PRKCH: variants seen among roughly 807,000 people sequenced by gnomAD.
PRKCH encodes the protein protein kinase C eta, also known as protein kinase C eta type.
In PRKCH, 28 loss-of-function variants were observed where a neutral mutation model predicts 82.5. The ratio of observed to expected loss-of-function variants is 0.34; its 90% CI spans 0.25 to 0.47. PRKCH has a LOEUF of 0.47. Among genes scored for constraint, PRKCH ranks in the 20% least tolerant of loss-of-function variants. PRKCH has a pLI of 1.00. For missense variants in PRKCH, 705 were observed against 881.8 expected (o/e 0.80, Z 2.54); for synonymous variants, 322 against 327.4 (o/e 0.98, Z 0.18).
chr14:61,449,632 G>A (rs962204250), intron 5 of PRKCH, among the ~76,000 whole-genome samples: 3 of 152,160 alleles, frequency 2.0e-5, no homozygotes, highest in African/African-American at 7.2e-5. Context: ...GGATTTGAAT[G>A]CTGAATCCAG....
At chr14:61,507,817 G>C (rs1038751993) in intron 10 of PRKCH, among the ~76,000 whole-genome samples, 6 of 152,100 alleles carry the variant, frequency 3.9e-5, no homozygotes, top group Non-Finnish European at 8.8e-5. Context: ...CAAAATTTCA[G>C]TTATGCAGGA....
chr14:61,363,740 G>A (rs1234950880), intron 1 of PRKCH, among the ~76,000 whole-genome samples: 1 of 150,480 alleles, frequency 6.6e-6, no homozygotes, highest in African/African-American at 2.5e-5. Flanking sequence ...AGAGAACTCT[G>A]AGGATGAAGA....
At chr14:61,210,112 AT>A (rs1566781639) in intron 1 of PRKCH, among the ~76,000 whole-genome samples, 1 of 6,232 alleles carries the variant, frequency 1.6e-4, no homozygotes, top group African/African-American at 4.6e-4. Flanking sequence ...AAACAAACAA[AT>A]ATATATATAT....
chr14:61,460,143 G>A (rs1884962841), intron 9 of PRKCH, among the ~76,000 whole-genome samples: 1 of 152,028 alleles, frequency 6.6e-6, no homozygotes, highest in African/African-American at 2.4e-5. Context: ...CACTGTACCT[G>A]GCCACTTTAT....
At chr14:61,406,924 G>C (rs1431865626) in intron 2 of PRKCH, among the ~76,000 whole-genome samples, 1 of 151,992 alleles carries the variant, frequency 6.6e-6, no homozygotes, top group African/African-American at 2.4e-5. Context: ...GATTTACTCT[G>C]TCAGGGGTTT....
At chr14:61,392,492 C>G (rs60788215) in intron 2 of PRKCH, among the ~76,000 whole-genome samples, 8,935 of 152,116 alleles carry the variant, frequency 0.059, 449 homozygotes, top group East Asian at 0.22. Context: ...TTTGCATTTC[C>G]CTGATGGTGA....
At chr14:61,529,349 T>A in intron 11 of PRKCH, 136 bp downstream of exon 11, 1 of 991,990 alleles carries the variant, frequency 1.0e-6, no homozygotes, top group Non-Finnish European at 1.4e-6. Context: ...ACCTCTAGAC[T>A]CATTTATGGC....
intron 1 of PRKCH, among the ~76,000 whole-genome samples, chr14:61,290,735 C>G (rs1329163552): frequency 1.3e-5 from 2 of 152,202 alleles, no homozygotes; most frequent in Non-Finnish European, 1.5e-5. Flanking sequence ...TCTCTCATTT[C>G]CCAAAGTTCA....
rs749907687 is a variant in PRKCH, at chr14:61,322,482, C to G, written c.363+18C>G. ...AGGGTTGGGTGAGTAGCGGTGACCCCTTCCCTTTGTGTCCACCCAACCCCC... is the reference window on the plus strand; with the variant it reads ...AGGGTTGGGTGAGTAGCGGTGACCCGTTCCCTTTGTGTCCACCCAACCCCC... On this transcript the variant is annotated intron_variant, in intron 1 of 13. Coordinates refer to ENST00000332981, the MANE Select transcript of PRKCH (RefSeq NM_006255.5). 3.2e-6 allele frequency: 5 copies of G among 1,580,914 alleles called. No individual in the cohort carries two copies. Among genetic ancestry groups the G allele is most frequent in the Non-Finnish European group, 4.3e-6 (5 of 1,156,034 alleles).
At chr14:61,490,935 C>A (rs535058857) in intron 10 of PRKCH, among the ~76,000 whole-genome samples, 197 of 150,692 alleles carry the variant, frequency 1.3e-3, no homozygotes, top group Middle Eastern at 6.8e-3. Flanking sequence ...CAAAAACAAA[C>A]AAAAAAAAAT....
chr14:61,402,845 TTTAA>T (rs748090180), intron 2 of PRKCH, among the ~76,000 whole-genome samples: 34 of 151,100 alleles, frequency 2.3e-4, no homozygotes, highest in African/African-American at 4.1e-4. Flanking sequence ...TGTCTTTTTT[TTTAA>T]TTAATTAATT....
At chr14:61,403,838 A>G (rs991397765) in intron 2 of PRKCH, among the ~76,000 whole-genome samples, 1 of 152,152 alleles carries the variant, frequency 6.6e-6, no homozygotes, top group Non-Finnish European at 1.5e-5. Context: ...TTCAAGCTTT[A>G]TTGTTTTTTC....
chr14:61,493,108 A>T (rs1886526488), intron 10 of PRKCH, among the ~76,000 whole-genome samples: 1 of 152,188 alleles, frequency 6.6e-6, no homozygotes, highest in Admixed American at 6.5e-5. Flanking sequence ...TGTTCTTGAG[A>T]TGTTTGAATT....
Position 61,223,387 on chromosome 14 carries a change from C to CT in PRKCH, c.-19+35720dup, listed in dbSNP as rs761058495. Among the ~76,000 whole-genome samples the CT allele has an allele frequency of 2.0e-5, 3 of 152,166 alleles. No individual in the cohort carries two copies. The East Asian group carries it at 5.8e-4, about 29-fold the overall frequency. ...TTTAAAATGAAGTGACAGTGTTTCC[C>CT]TATAATCAAGTTCTTTAGCTTCTAG... On this transcript the variant is annotated intron_variant, in intron 1 of 3. Coordinates refer to the PRKCH transcript ENST00000555185.
At chr14:61,363,025 T>G (rs1195324229) in intron 1 of PRKCH, among the ~76,000 whole-genome samples, 1 of 152,184 alleles carries the variant, frequency 6.6e-6, no homozygotes, top group African/African-American at 2.4e-5. Context: ...ACTTAGATGA[T>G]GAACGGGTGA....
intron 10 of PRKCH, among the ~76,000 whole-genome samples, chr14:61,526,810 G>A (rs370755861): frequency 1.1e-4 from 16 of 152,374 alleles, no homozygotes; most frequent in African/African-American, 3.6e-4. Flanking sequence ...GCGGCCCAAG[G>A]CCATGGCAGC....
intron 1 of PRKCH, among the ~76,000 whole-genome samples, chr14:61,365,132 C>T (rs1184011802): frequency 6.6e-6 from 1 of 152,046 alleles, no homozygotes; most frequent in Non-Finnish European, 1.5e-5. Context: ...GTAAGATTCA[C>T]ACTGAATTAT....
chr14:61,297,955 T>C (rs2045417945), intron 1 of PRKCH, among the ~76,000 whole-genome samples: 1 of 152,218 alleles, frequency 6.6e-6, no homozygotes, highest in Non-Finnish European at 1.5e-5. Flanking sequence ...AGAATAAAAT[T>C]AATTGGCTTT....
At chr14:61,513,050 T>C (rs2042770483) in intron 10 of PRKCH, among the ~76,000 whole-genome samples, 1 of 152,046 alleles carries the variant, frequency 6.6e-6, no homozygotes, top group Non-Finnish European at 1.5e-5. Context: ...ACAGTAACAG[T>C]AGGATCAGAC....
Sources: allele counts gnomAD v4.1 joint callset (sites outside exome capture counted in the v4.1 genomes callset), GRCh38; gene constraint gnomAD v4.1.1; transcripts MANE v1.5; gene names NCBI Gene and HGNC (gene_info 2026-07-23, HGNC 2026-07-21).